Variants in FRMD1 observed in about 807,000 individuals in gnomAD.
The protein encoded by FRMD1 is FERM domain containing 1.
In FRMD1, 51 loss-of-function variants were observed where a neutral mutation model predicts 54.9. The ratio of observed to expected loss-of-function variants is 0.93; its 90% confidence interval spans 0.74 to 1.17. FRMD1 has a LOEUF of 1.17. FRMD1 is among the 50% of genes most tolerant of loss of function. The pLI, the probability that FRMD1 is intolerant of heterozygous loss-of-function variation, is 0.00. For missense variants in FRMD1, 729 were observed against 743.0 expected (o/e 0.98, Z 0.22); for synonymous variants, 324 against 306.4 (o/e 1.06, Z -0.60).
upstream of FRMD1, among the ~76,000 whole-genome samples, chr6:168,083,301 G>A (rs1313484781): frequency 6.6e-6 from 1 of 152,198 alleles, no homozygotes. Context: ...TGTCTCTGCT[G>A]TCTCAGACAG....
chr6:168,086,428 A>T (rs892025863), upstream of FRMD1, among the ~76,000 whole-genome samples: 36 of 145,492 alleles, frequency 2.5e-4, 1 homozygote, highest in African/African-American at 8.4e-4. Context: ...CCTAGCATGG[A>T]TGCCCATGTC....
intron 10 of FRMD1, among the ~76,000 whole-genome samples, chr6:168,058,049 C>T (rs1344828068): frequency 6.6e-6 from 1 of 152,268 alleles, no homozygotes; most frequent in Non-Finnish European, 1.5e-5. Context: ...CCGTCTCCTC[C>T]ACTGAGTGGG....
chr6:168,087,331 G>C (rs1800938554), intron 1 of FRMD1, among the ~76,000 whole-genome samples: 1 of 152,190 alleles, frequency 6.6e-6, no homozygotes, highest in South Asian at 2.1e-4. Context: ...GCCTCCCAAA[G>C]TGCTGGGATT....
Position 168,066,413 on chromosome 6 carries a change from G to A in FRMD1, c.461+342C>T, listed in dbSNP as rs140335740. On this transcript the variant is annotated intron_variant, in intron 4 of 10. Transcript: ENST00000283309. ...CTCTGGAGACTAAGGCAGAAGAATCGCTTGAACCCAGGAGGTGGAGGTTGC... is the reference window on the plus strand; with the variant it reads ...CTCTGGAGACTAAGGCAGAAGAATCACTTGAACCCAGGAGGTGGAGGTTGC... 2,144 of 527,844 alleles carry A rather than the reference G, an allele frequency of 4.1e-3. 43 individuals carry two copies. The African/African-American group carries it at 0.041, about 10-fold the overall frequency. 32.7% of individuals were successfully genotyped at this position (527,844 alleles called of 1,614,324 possible).
At position 168,055,977 on chromosome 6, in the gene FRMD1, G is replaced by C. The variant is rs555803024; in HGVS notation, c.*1120C>G. On this transcript the variant is annotated 3_prime_UTR_variant, in exon 11 of 11. Coordinates refer to ENST00000283309, the MANE Select transcript of FRMD1 (RefSeq NM_024919.6). Reference sequence around the variant, plus strand: ...GCTTGTCTCCAGTGAGCTGGAGGGTGGTGTGGCGTGGTCTTCACCACACAC... The same window carrying C: ...GCTTGTCTCCAGTGAGCTGGAGGGTCGTGTGGCGTGGTCTTCACCACACAC... 1 of 152,470 alleles carries C rather than the reference G, an allele frequency of 6.6e-6. No individual in the cohort carries two copies. Among genetic ancestry groups the C allele is most frequent in the African/African-American group, 2.4e-5 (1 of 41,596 alleles). 9.4% of individuals were successfully genotyped at this position (152,470 alleles called of 1,614,324 possible).
intron 7 of FRMD1, 123 bp from the exon 8 acceptor site, chr6:168,062,104 G>A (rs1357622776): frequency 3.0e-6 from 3 of 1,004,814 alleles, no homozygotes; most frequent in Non-Finnish European, 4.4e-6. Flanking sequence ...TCACTTCGCA[G>A]TGCAGATGGC....
intron 8 of FRMD1, among the ~76,000 whole-genome samples, chr6:168,061,364 G>A (rs1020694878): frequency 6.6e-6 from 1 of 151,854 alleles, no homozygotes; most frequent in Non-Finnish European, 1.5e-5. Flanking sequence ...CTTGTGCTCA[G>A]GTGAGGATGT....
rs1323855189 is a variant in FRMD1 at position 168,059,225 on chromosome 6, G to C, written c.1343-37C>G. 1 of 1,538,766 alleles carries C rather than the reference G, an allele frequency of 6.5e-7. No homozygotes were observed. Among genetic ancestry groups the C allele is most frequent in the Non-Finnish European group, 8.8e-7 (1 of 1,139,402 alleles). On this transcript the variant is annotated intron_variant, in intron 9 of 10. Coordinates refer to ENST00000283309, the MANE Select transcript of FRMD1 (RefSeq NM_024919.6). The surrounding 1 kb of genome is among the most constrained non-coding windows in gnomAD (Gnocchi z 4.4). ...GGCAGCCGTGAGCACAGGTGTCTGGGTTCTGCCCGACATGGCTCCTCCCCA... is the reference window on the plus strand; with the variant it reads ...GGCAGCCGTGAGCACAGGTGTCTGGCTTCTGCCCGACATGGCTCCTCCCCA...
upstream of FRMD1, among the ~76,000 whole-genome samples, chr6:168,082,376 C>T (rs1562433852): frequency 6.6e-6 from 1 of 152,216 alleles, no homozygotes; most frequent in African/African-American, 2.4e-5. Context: ...CTGTACTCTG[C>T]TCTCTCCCTT....
upstream of FRMD1, among the ~76,000 whole-genome samples, chr6:168,082,166 G>A (rs1220446237): frequency 6.6e-6 from 1 of 152,152 alleles, no homozygotes; most frequent in Non-Finnish European, 1.5e-5. Flanking sequence ...TCTCCTCCAC[G>A]TCCTCCTCTG....
At position 168,067,403 on chromosome 6, in the gene FRMD1, C is replaced by T; in HGVS notation, c.348G>A (p.Lys116=). Residue 116 remains lysine, a synonymous_variant, in exon 3 of 11, where the codon AAG becomes AAA. Transcript: ENST00000283309. ...CTTTCTTCCAATCTTTTGAGAAGTA[C>T]TTGCTGAGCTTTTGCTCCAAATCCA... ...IFMDLEQKLS[K]YFSKDWKKER... is the part of the protein sequence containing the mutation. 6.2e-7 allele frequency: 1 copy of T among 1,608,030 alleles called. No individual in the cohort carries two copies. The highest frequency in any genetic ancestry group is 8.5e-7 in the Non-Finnish European group (1 of 1,177,332).
chr6:168,084,244 G>C (rs1259849202), upstream of FRMD1, among the ~76,000 whole-genome samples: 3 of 152,204 alleles, frequency 2.0e-5, no homozygotes, highest in Admixed American at 6.5e-5. Context: ...CATCATGAAG[G>C]CATGAAACCC....
At chr6:168,075,746 A>T in intron 1 of FRMD1, 1 of 1,548,910 alleles carries the variant, frequency 6.5e-7, no homozygotes, top group Middle Eastern at 1.7e-4. Context: ...CACATCATCC[A>T]TCGCCCAACT....
Position 168,079,047 on chromosome 6 carries a change from GT to G in FRMD1, c.47del (p.Asn16ThrfsTer57). On this transcript the variant is annotated frameshift_variant, in exon 1 of 11. Transcript: ENST00000283309. LOFTEE classifies it high-confidence loss of function. ...RGRGIDPARTNPDTFPPSGAR... is the reference protein window; with the variant it reads ...RGRGIDPARTXPDTFPPSGAR... ...CCCCTGAAGGAGGGAACGTGTCAGG[GT>G]TTGTCCGGGCGGGGTCTATGCCCCT... 1 of 1,610,780 alleles carries G rather than the reference GT, an allele frequency of 6.2e-7. No homozygotes were observed.
intron 1 of FRMD1, among the ~76,000 whole-genome samples, chr6:168,078,523 C>CCCCTGCTCACCCCCACGG (rs1187963543): frequency 5.5e-5 from 8 of 146,724 alleles, no homozygotes; most frequent in South Asian, 2.2e-4. Flanking sequence ...TCACCCCATA[C>CCCCTGCTCACCCCCACGG]CCCTGCTCAC....
intron 4 of FRMD1, 147 bp from the exon 5 acceptor site, chr6:168,065,204 T>G: frequency 2.1e-6 from 3 of 1,413,952 alleles, no homozygotes; most frequent in Admixed American, 2.9e-5. Context: ...CCCACAGCTG[T>G]GTCCCTGCAG....
In FRMD1 at chr6:168,059,956, C is replaced by T. The variant is rs1445250782; in HGVS notation, c.1343-768G>A. On this transcript the variant is annotated intron_variant, in intron 9 of 10. Coordinates refer to ENST00000283309, the MANE Select transcript of FRMD1 (RefSeq NM_024919.6). The surrounding 1 kb of genome is among the most constrained non-coding windows in gnomAD (Gnocchi z 4.4). ...AGTATAAAAAGACATGAGTCTAACC[C>T]AGGCTTTCTGATGGGAGGGAAGCTG... Among the ~76,000 whole-genome samples, 1 of 151,926 alleles carries T rather than the reference C, an allele frequency of 6.6e-6. No individual in the cohort carries two copies. The highest frequency in any genetic ancestry group is 2.4e-5 in the African/African-American group (1 of 41,338).
chr6:168,074,007 G>A (rs997134304), intron 2 of FRMD1, among the ~76,000 whole-genome samples: 5 of 152,166 alleles, frequency 3.3e-5, no homozygotes, highest in South Asian at 2.1e-4. Context: ...AGCCTCCCTC[G>A]GCTTGGCTGG....
chr6:168,062,027 C>CG (rs1799770296), intron 7 of FRMD1, 46 bp from the exon 8 acceptor site: 1 of 1,540,310 alleles, frequency 6.5e-7, no homozygotes, highest in African/African-American at 1.4e-5. Context: ...TGGAAAACCA[C>CG]GCTAGCCACA....
Sources: gnomAD v4.1 joint callset for allele counts (sites outside exome capture counted in the v4.1 genomes callset) on GRCh38, gnomAD v4.1.1 for gene constraint, Gnocchi (gnomAD v3.1) non-coding constraint, MANE v1.5 for transcripts, NCBI Gene and HGNC (gene_info 2026-07-23, HGNC 2026-07-21) for gene names.